Variants in DLGAP2 observed in about 807,000 individuals in gnomAD.
The protein encoded by DLGAP2 is disks large-associated protein 2.
A neutral mutation model predicts 100.3 loss-of-function variants in DLGAP2; 26 were observed. The observed-to-expected ratio is 0.26, with a 90% CI of 0.19 to 0.36. The LOEUF is 0.36. Ranked by LOEUF, DLGAP2 falls within the 10% of genes least tolerant of loss-of-function variation. The probability of loss-of-function intolerance (pLI) is 1.00; values close to 1 mark genes in which losing one functional copy is unlikely to be tolerated. For synonymous variants in DLGAP2, 886 were observed against 630.1 expected (o/e 1.41, Z -6.08); for missense variants, 1,858 against 1,453.2 (o/e 1.28, Z -4.53).
intron 2 of DLGAP2, among the ~76,000 whole-genome samples, chr8:1,075,969 T>G (rs1803594686): frequency 6.6e-6 from 1 of 152,112 alleles, no homozygotes; most frequent in Non-Finnish European, 1.5e-5. Flanking sequence ...GCCTGAGTTC[T>G]TAATAGTTAT....
intron 3 of DLGAP2, among the ~76,000 whole-genome samples, chr8:1,342,283 G>C (rs906155158): frequency 6.6e-6 from 1 of 152,196 alleles, no homozygotes; most frequent in Non-Finnish European, 1.5e-5. Flanking sequence ...TTCAGGCAGA[G>C]ACTGGATTGC....
rs376946154 is a variant in DLGAP2 at position 1,187,436 on chromosome 8, C to T, written c.74-71415C>T. Among the ~76,000 whole-genome samples the T allele has an allele frequency of 1.1e-3, 143 of 133,476 alleles. 2 individuals are homozygous for T. The highest frequency in any genetic ancestry group is 3.3e-3 in the African/African-American group (110 of 33,538). The allele number at this position is 133,476 out of a possible 152,430, so 87.6% of individuals were successfully genotyped here. A position where few individuals can be genotyped will look rare whatever the true frequency, so the allele number is the denominator to read the frequency against. Reference sequence around the variant, plus strand: ...CGCCCGGGACCTCCGTGACGTTTGCCTCACGGAATCTCACACACCCGGGAC... The same window carrying T: ...CGCCCGGGACCTCCGTGACGTTTGCTTCACGGAATCTCACACACCCGGGAC... On this transcript the variant is annotated intron_variant, in intron 2 of 14. Coordinates refer to ENST00000637795, the MANE Select transcript of DLGAP2 (RefSeq NM_001346810.2).
At chr8:1,515,335 C>T (rs761698268) in intron 4 of DLGAP2, among the ~76,000 whole-genome samples, 4 of 152,190 alleles carry the variant, frequency 2.6e-5, no homozygotes, top group Non-Finnish European at 4.4e-5. Context: ...AAAAGGAGTC[C>T]TCTCCCTTCC....
At chr8:1,294,518 C>G (rs77848094) in intron 3 of DLGAP2, among the ~76,000 whole-genome samples, 4 of 152,168 alleles carry the variant, frequency 2.6e-5, no homozygotes, top group African/African-American at 9.7e-5. Context: ...CATTTCTCTC[C>G]TGCGATTTTG....
At chr8:813,346 A>G (rs1796406371) in intron 1 of DLGAP2, among the ~76,000 whole-genome samples, 1 of 152,112 alleles carries the variant, frequency 6.6e-6, no homozygotes, top group East Asian at 1.9e-4. Context: ...GTGATATTTG[A>G]TAAAGTGTTT....
At chr8:1,460,132 C>T (rs998349472) in intron 3 of DLGAP2, among the ~76,000 whole-genome samples, 1 of 152,184 alleles carries the variant, frequency 6.6e-6, no homozygotes, top group Non-Finnish European at 1.5e-5. Flanking sequence ...TTCTGCGGCC[C>T]CGGGCTTCTG....
Position 1,429,358 on chromosome 8 carries a change from C to T in DLGAP2, c.107-72008C>T, listed in dbSNP as rs557536410. 5.3e-5 allele frequency among the ~76,000 whole-genome samples: 8 copies of T among 152,192 alleles called. No individual in the cohort carries two copies. The East Asian group carries it at 1.2e-3, about 22-fold the overall frequency. On this transcript the variant is annotated intron_variant, in intron 3 of 14. Transcript: ENST00000637795. ...GGGGCCATCCCAGCCCATTGGCCTCCGAATTAAACTTTCGTTAACACTGTA... is the reference window on the plus strand; with the variant it reads ...GGGGCCATCCCAGCCCATTGGCCTCTGAATTAAACTTTCGTTAACACTGTA...
rs372145633 is a variant in DLGAP2 at position 1,062,762 on chromosome 8, C to A, written c.73+154796C>A. Among the ~76,000 whole-genome samples, 97 of 152,222 alleles carry A rather than the reference C, an allele frequency of 6.4e-4. 3 individuals carry two copies. The South Asian group carries it at 9.1e-3, about 14-fold the overall frequency. ...GGGGGGAGACTAGTATGACTGTAAT[C>A]CAGGGAGCATCTTAATTGCCAGGAG... On this transcript the variant is annotated intron_variant, in intron 2 of 14. Transcript: ENST00000637795.
chr8:1,058,651 G>T (rs1802956796), intron 2 of DLGAP2, among the ~76,000 whole-genome samples: 1 of 152,234 alleles, frequency 6.6e-6, no homozygotes, highest in East Asian at 1.9e-4. Flanking sequence ...CATCTACCAA[G>T]TAGGTTGTTT....
At chr8:1,342,724 A>G (rs1563094167) in intron 3 of DLGAP2, among the ~76,000 whole-genome samples, 1 of 152,244 alleles carries the variant, frequency 6.6e-6, no homozygotes, top group Non-Finnish European at 1.5e-5. Context: ...ACTAAGCAGA[A>G]CTTCAAAACG....
At chr8:1,493,122 A>G (rs948791743) in intron 3 of DLGAP2, among the ~76,000 whole-genome samples, 1 of 152,232 alleles carries the variant, frequency 6.6e-6, no homozygotes, top group Non-Finnish European at 1.5e-5. Flanking sequence ...CAAGCTGTGC[A>G]GGTAGAACCA....
chr8:1,584,437 T>C (rs1057059571), intron 6 of DLGAP2, among the ~76,000 whole-genome samples: 1 of 152,170 alleles, frequency 6.6e-6, no homozygotes, highest in Non-Finnish European at 1.5e-5. Flanking sequence ...TAGGAAGCCA[T>C]ATGCTCCTGG....
intron 2 of DLGAP2, among the ~76,000 whole-genome samples, chr8:1,041,043 C>T (rs146811994): frequency 1.3e-5 from 2 of 152,286 alleles, no homozygotes; most frequent in African/African-American, 4.8e-5. Flanking sequence ...AGGATGGCAT[C>T]TTGATTTTAA....
intron 2 of DLGAP2, chr8:1,032,490 T>C (rs1802004230): frequency 6.6e-6 from 1 of 152,276 alleles, no homozygotes; most frequent in African/African-American, 2.4e-5. Context: ...CTTGACATGC[T>C]GACATGTTGG....
intron 2 of DLGAP2, among the ~76,000 whole-genome samples, chr8:1,234,199 C>T (rs1314792262): frequency 1.3e-5 from 2 of 152,234 alleles, no homozygotes; most frequent in Non-Finnish European, 2.9e-5. Context: ...GTAGGTGGTG[C>T]ACCTGTCTGC....
chr8:1,561,711 G>A (rs1802168486), intron 5 of DLGAP2, among the ~76,000 whole-genome samples: 3 of 148,552 alleles, frequency 2.0e-5, no homozygotes, highest in South Asian at 2.2e-4. Context: ...GGGACTGTGT[G>A]GTGTTGGGGT....
intron 2 of DLGAP2, among the ~76,000 whole-genome samples, chr8:1,141,016 C>T (rs1165629215): frequency 6.6e-6 from 1 of 152,166 alleles, no homozygotes; most frequent in East Asian, 1.9e-4. Context: ...TCTCTGTCTT[C>T]TTCATTGAAG....
intron 1 of DLGAP2, among the ~76,000 whole-genome samples, chr8:779,690 C>A (rs1821635336): frequency 1.3e-5 from 2 of 152,002 alleles, no homozygotes; most frequent in Admixed American, 1.3e-4. Context: ...CTAGAACTTT[C>A]TTCTACCACT....
rs74543343 is a variant in DLGAP2, at chr8:1,322,593, T to G, written c.106+63710T>G. On this transcript the variant is annotated intron_variant, in intron 3 of 14. Coordinates refer to ENST00000637795, the MANE Select transcript of DLGAP2 (RefSeq NM_001346810.2). The stretch of plus-strand genomic sequence containing the variant: ...ACACGTATTGTTCCATGGAAATGTG[T>G]GCGCCCACCTGGCGTGCTGTCTCCT... 9.5e-4 allele frequency among the ~76,000 whole-genome samples: 144 copies of G among 152,244 alleles called. 2 individuals carry two copies. In the East Asian group the frequency reaches 0.018, roughly 19 times the overall value.
Sources: allele counts gnomAD v4.1 joint callset (sites outside exome capture counted in the v4.1 genomes callset), GRCh38; gene constraint gnomAD v4.1.1; transcripts MANE v1.5; gene names NCBI Gene and HGNC (gene_info 2026-07-23, HGNC 2026-07-21).